Variants in ATP2B1 observed in about 807,000 individuals in gnomAD.
ATP2B1 encodes the protein plasma membrane calcium-transporting ATPase 1.
A neutral mutation model predicts 124.2 loss-of-function variants in ATP2B1; 14 were observed. The ratio of observed to expected loss-of-function variants is 0.11; its 90% confidence interval spans 0.07 to 0.18. ATP2B1 has a LOEUF of 0.18. ATP2B1 is among the 10% of genes least tolerant of loss of function. The pLI is 1.00. For missense variants in ATP2B1, 763 were observed against 1,466.1 expected (o/e 0.52, Z 7.83); for synonymous variants, 449 against 492.4 (o/e 0.91, Z 1.17).
At chr12:89,691,671 A>G (rs1890570521) in intron 1 of ATP2B1, among the ~76,000 whole-genome samples, 1 of 152,188 alleles carries the variant, frequency 6.6e-6, no homozygotes, top group African/African-American at 2.4e-5. Flanking sequence ...CAAAGAACTG[A>G]GTCTATCTAG....
At chr12:89,606,010 A>G (rs1442735235) in intron 15 of ATP2B1, among the ~76,000 whole-genome samples, 1 of 152,224 alleles carries the variant, frequency 6.6e-6, no homozygotes, top group Non-Finnish European at 1.5e-5. Flanking sequence ...GTAAAAGACA[A>G]CAAATTATAG....
At chr12:89,701,330 C>G (rs990439207) in intron 1 of ATP2B1, among the ~76,000 whole-genome samples, 1 of 152,148 alleles carries the variant, frequency 6.6e-6, no homozygotes, top group Non-Finnish European at 1.5e-5. Flanking sequence ...TTGTACACTT[C>G]CCATTTATTA....
chr12:89,613,510 A>T (rs1303579081), intron 12 of ATP2B1, among the ~76,000 whole-genome samples: 1 of 152,170 alleles, frequency 6.6e-6, no homozygotes, highest in Non-Finnish European at 1.5e-5. Context: ...GAGCAAAAGG[A>T]CAGGGCCTGC....
intron 11 of ATP2B1, among the ~76,000 whole-genome samples, chr12:89,617,450 C>T (rs997411671): frequency 3.3e-5 from 5 of 152,124 alleles, no homozygotes; most frequent in African/African-American, 1.2e-4. Flanking sequence ...CAAGCGTAGT[C>T]AACCCCTTAC....
intron 3 of ATP2B1, 47 bp from the exon 4 acceptor site, chr12:89,635,298 T>A (rs1298264867): frequency 6.3e-7 from 1 of 1,581,162 alleles, no homozygotes; most frequent in East Asian, 2.2e-5. Flanking sequence ...TCTGAATTGA[T>A]GACAACATAC....
At chr12:89,614,079 G>C (rs1878520368) in intron 12 of ATP2B1, among the ~76,000 whole-genome samples, 2 of 152,190 alleles carry the variant, frequency 1.3e-5, no homozygotes, top group African/African-American at 2.4e-5. Flanking sequence ...GCAATGCCAA[G>C]AGCATGATAA....
At chr12:89,612,243 A>G (rs1354784864) in intron 12 of ATP2B1, 3 of 152,146 alleles carry the variant, frequency 2.0e-5, no homozygotes, top group African/African-American at 7.2e-5. Context: ...GCTGTTATAC[A>G]CAAACCACAA....
chr12:89,697,264 T>C (rs921494237), intron 1 of ATP2B1, among the ~76,000 whole-genome samples: 5 of 152,108 alleles, frequency 3.3e-5, no homozygotes, highest in Non-Finnish European at 5.9e-5. Flanking sequence ...GCTTGGGGTA[T>C]GGCGGGTCAG....
chr12:89,682,790 G>T (rs1187758496), intron 1 of ATP2B1, among the ~76,000 whole-genome samples: 2 of 152,104 alleles, frequency 1.3e-5, no homozygotes, highest in African/African-American at 4.8e-5. Context: ...ACAGGGTAAG[G>T]TTTAACTGTG....
chr12:89,695,058 C>CAAAAAAAAA lies in ATP2B1; in HGVS notation c.-222+13529_-222+13537dup, dbSNP rs544087541. On this transcript the variant is annotated intron_variant, in intron 1 of 20. Transcript: ENST00000428670. ...GGGCGACAAGAGCAAGATGCTGTTTCAAAAAAAAAAAAAGAAAAGAATTAT... is the reference window on the plus strand; with the variant it reads ...GGGCGACAAGAGCAAGATGCTGTTTCAAAAAAAAAAAAAAAAAAAAAAGAAAAGAATTAT... Among the ~76,000 whole-genome samples, 174 of 111,068 alleles carry CAAAAAAAAA rather than the reference C, an allele frequency of 1.6e-3. 2 individuals are homozygous for CAAAAAAAAA. Among genetic ancestry groups the CAAAAAAAAA allele is most frequent in the Non-Finnish European group, 2.4e-3 (127 of 53,858 alleles). The allele number at this position is 111,068 out of a possible 152,430, so 72.9% of individuals were successfully genotyped here.
intron 1 of ATP2B1, among the ~76,000 whole-genome samples, chr12:89,703,036 T>C (rs769506182): frequency 4.6e-5 from 7 of 152,324 alleles, no homozygotes; most frequent in Non-Finnish European, 5.9e-5. Context: ...GATTCCTAAA[T>C]AAACCTTAAG....
At position 89,603,977 on chromosome 12, in the gene ATP2B1, C is replaced by T; in HGVS notation, c.2635-52G>A. 2 of 1,562,330 alleles carry T rather than the reference C, an allele frequency of 1.3e-6. No individual in the cohort carries two copies. Among genetic ancestry groups the T allele is most frequent in the Non-Finnish European group, 1.7e-6 (2 of 1,146,534 alleles). ...CATTCACAACTACTCAGGGGCTCAG[C>T]AATTCTCAGGAAACCTTTAGGGTTT... On this transcript the variant is annotated intron_variant, in intron 16 of 20. Coordinates refer to ENST00000428670, the MANE Select transcript of ATP2B1 (RefSeq NM_001366521.1). This position sits in a 1 kb window ranked among gnomAD's most constrained non-coding sequence, Gnocchi z 4.3.
chr12:89,610,120 G>T (rs191870945), intron 14 of ATP2B1, 77 bp from the exon 15 acceptor site: 29 of 1,299,506 alleles, frequency 2.2e-5, no homozygotes, highest in Admixed American at 8.4e-5. Context: ...TCCTGACGTC[G>T]GTTTTATAGA....
chr12:89,668,131 A>C (rs542512782), intron 1 of ATP2B1, among the ~76,000 whole-genome samples: 6 of 152,264 alleles, frequency 3.9e-5, no homozygotes, highest in Admixed American at 3.9e-4. Flanking sequence ...GAAAACAAGA[A>C]GGCAACACAG....
chr12:89,627,567 T>G, intron 7 of ATP2B1, 111 bp downstream of exon 7: 1 of 1,178,978 alleles, frequency 8.5e-7, no homozygotes. Context: ...CTAACGTATA[T>G]TGTTGATTTT....
intron 9 of ATP2B1, among the ~76,000 whole-genome samples, chr12:89,623,020 A>G (rs917044841): frequency 6.6e-6 from 1 of 152,196 alleles, no homozygotes; most frequent in Non-Finnish European, 1.5e-5. Context: ...ACTTTAAAAT[A>G]TCAAAAAAGG....
At position 89,603,419 on chromosome 12, in the gene ATP2B1, GC is replaced by G. The variant is rs1477343799; in HGVS notation, c.2849-166del. ...CTAGTACAACTCTCTTGTTTTATAG[GC>G]AAGGAAACAGAAGCTCCCAAAACTA... On this transcript the variant is annotated intron_variant, in intron 17 of 20. Coordinates refer to ENST00000428670, the MANE Select transcript of ATP2B1 (RefSeq NM_001366521.1). This position sits in a 1 kb window ranked among gnomAD's most constrained non-coding sequence, Gnocchi z 4.3. 2.9e-6 allele frequency: 2 copies of G among 678,234 alleles called. No homozygotes were observed. The highest frequency in any genetic ancestry group is 4.8e-6 in the Non-Finnish European group (2 of 413,846). 42.0% of individuals were successfully genotyped at this position (678,234 alleles called of 1,614,324 possible). A position where few individuals can be genotyped will look rare whatever the true frequency, so the allele number is the denominator to read the frequency against.
chr12:89,647,167 C>A (rs1048083175), intron 2 of ATP2B1, among the ~76,000 whole-genome samples: 3 of 152,160 alleles, frequency 2.0e-5, no homozygotes, highest in African/African-American at 7.2e-5. Flanking sequence ...AACTCTTCTG[C>A]CTAATTGGCT....
chr12:89,699,319 G>A (rs1378316442), intron 1 of ATP2B1, among the ~76,000 whole-genome samples: 1 of 152,210 alleles, frequency 6.6e-6, no homozygotes, highest in African/African-American at 2.4e-5. Context: ...TTAAATGCTA[G>A]TAATATGCCA....
Sources: allele counts gnomAD v4.1 joint callset (sites outside exome capture counted in the v4.1 genomes callset), GRCh38; gene constraint gnomAD v4.1.1; non-coding constraint Gnocchi (gnomAD v3.1); transcripts MANE v1.5; gene names NCBI Gene and HGNC (gene_info 2026-07-23, HGNC 2026-07-21).